The following ZNF469 variants were observed in gnomAD, a reference collection of about 807,000 sequenced individuals.
ZNF469 encodes the protein zinc finger protein 469.
In ZNF469, 1 loss-of-function variant was observed where a neutral mutation model predicts 1.0. That is an observed-to-expected ratio of 1.00 (90% CI 0.35 to 4.73). ZNF469 has a LOEUF of 4.73. Ranked by LOEUF, ZNF469 falls within the 30% of genes most tolerant of loss-of-function variation. The pLI, the probability that ZNF469 is intolerant of heterozygous loss-of-function variation, is 0.16. For synonymous variants in ZNF469, 2,703 were observed against 2,363.4 expected (o/e 1.14, Z -4.17); for missense variants, 6,100 against 5,356.3 (o/e 1.14, Z -4.33).
chr16:88,408,534 GA>G (rs1338520403), intron 1 of ZNF469, among the ~76,000 whole-genome samples: 1 of 152,250 alleles, frequency 6.6e-6, no homozygotes, highest in Non-Finnish European at 1.5e-5. Flanking sequence ...GAATGAGAGG[GA>G]GGGGCTGTCA....
At chr16:88,185,257 G>A in the ZNF469 span, among the ~76,000 whole-genome samples, 17 of 151,752 alleles carry the variant, frequency 1.1e-4, no homozygotes, top group African/African-American at 3.6e-4. Flanking sequence ...TGATGCACAC[G>A]AACACAGGCA....
In ZNF469 at chr16:88,432,971, A is replaced by G. The variant is rs1207364464; in HGVS notation, c.5501A>G (p.His1834Arg). Residue 1834 changes from histidine to arginine, a missense_variant, in exon 3 of 3, where the codon CAT becomes CGT. By Grantham distance (29) the His-to-Arg change is conservative. Transcript: ENST00000565624. ...GASPSHAAQG[H>R]SAGRAGGHLH... The stretch of plus-strand genomic sequence containing the variant: ...AGTCCCAGCCATGCTGCCCAGGGAC[A>G]TTCTGCAGGCAGAGCAGGTGGGCAC... The G allele has an allele frequency of 1.9e-6, 3 of 1,550,242 alleles. No individual in the cohort carries two copies. Among genetic ancestry groups the G allele is most frequent in the East Asian group, 2.4e-5 (1 of 40,922 alleles).
Position 88,433,302 on chromosome 16 carries a change from T to C in ZNF469, c.5832T>C (p.Thr1944=), listed in dbSNP as rs1407249213. 6.5e-7 allele frequency: 1 copy of C among 1,550,258 alleles called. No homozygotes were observed. Among genetic ancestry groups the C allele is most frequent in the Non-Finnish European group, 8.7e-7 (1 of 1,146,920 alleles). Residue 1944 remains threonine (T), a synonymous_variant, in exon 3 of 3, where the codon ACT becomes ACC. Transcript: ENST00000565624. ...ACCCCTCAGGTCTGGAAGGGGGCACTGTGGAAGGAGGGAAGGTGGCCTGTG... is the reference window on the plus strand; with the variant it reads ...ACCCCTCAGGTCTGGAAGGGGGCACCGTGGAAGGAGGGAAGGTGGCCTGTG... ...RVNPSGLEGG[T]VEGGKVACGP...
intron 1 of ZNF469, among the ~76,000 whole-genome samples, chr16:88,405,843 C>T (rs1487086439): frequency 6.6e-6 from 1 of 152,240 alleles, no homozygotes; most frequent in Admixed American, 6.5e-5. Context: ...CCCTGCAGCT[C>T]TTGGCCTCAG....
At chr16:88,157,972 C>A in the ZNF469 span, among the ~76,000 whole-genome samples, 1 of 152,038 alleles carries the variant, frequency 6.6e-6, no homozygotes. Flanking sequence ...GGATGCCACA[C>A]GAGGCTCTGA....
Position 88,427,645 on chromosome 16 carries a change from G to A in ZNF469, c.175G>A (p.Glu59Lys), listed in dbSNP as rs1905777791. The change falls in exon 3 of 3, where the codon GAG becomes AAG. Residue 59 changes from glutamate to lysine, a missense_variant. Glu to Lys is a moderately conservative substitution (Grantham distance 56, BLOSUM62 1). Coordinates refer to ENST00000565624, the MANE Select transcript of ZNF469 (RefSeq NM_001367624.2). ...GGCTGGCGGCCAGGCCCAGGCCATG[G>A]AGCTCCCCGAGGCCCAGCCAAGGCA... Reference protein sequence around the residue: ...REAGGQAQAMELPEAQPRQAR... With the variant: ...REAGGQAQAMKLPEAQPRQAR... The A allele has an allele frequency of 1.3e-6, 2 of 1,536,926 alleles. No homozygotes were observed. The highest frequency in any genetic ancestry group is 1.7e-6 in the Non-Finnish European group (2 of 1,146,116).
intron 1 of ZNF469, among the ~76,000 whole-genome samples, chr16:88,406,543 T>C (rs1905034351): frequency 6.6e-6 from 1 of 152,222 alleles, no homozygotes; most frequent in Non-Finnish European, 1.5e-5. Flanking sequence ...ACCCGTGCTT[T>C]GGTTCTTCTC....
chr16:88,200,870 C>T, the ZNF469 span, among the ~76,000 whole-genome samples: 1 of 152,258 alleles, frequency 6.6e-6, no homozygotes, highest in Non-Finnish European at 1.5e-5. Flanking sequence ...CCACTCAGGT[C>T]GCGTTCCTCC....
the ZNF469 span, among the ~76,000 whole-genome samples, chr16:88,131,645 C>A: frequency 6.6e-6 from 1 of 152,238 alleles, no homozygotes; most frequent in Admixed American, 6.5e-5. Flanking sequence ...TGAGGCGAGG[C>A]AGGCTGGGGC....
the ZNF469 span, among the ~76,000 whole-genome samples, chr16:88,333,311 A>C: frequency 6.7e-6 from 1 of 148,918 alleles, no homozygotes; most frequent in East Asian, 2.0e-4. Flanking sequence ...TGGGTGGAGA[A>C]GGCTCGGACT....
the ZNF469 span, among the ~76,000 whole-genome samples, chr16:88,338,917 G>A: frequency 6.6e-6 from 1 of 152,118 alleles, no homozygotes; most frequent in Non-Finnish European, 1.5e-5. Context: ...GCTTCTGTAT[G>A]GAGAGAACAT....
At chr16:88,167,504 C>T in the ZNF469 span, among the ~76,000 whole-genome samples, 38 of 152,180 alleles carry the variant, frequency 2.5e-4, no homozygotes, top group Non-Finnish European at 4.9e-4. Flanking sequence ...GCTGCTTGAC[C>T]GCCACTGCCC....
chr16:88,165,935 T>TG, the ZNF469 span, among the ~76,000 whole-genome samples: 1 of 151,816 alleles, frequency 6.6e-6, no homozygotes, highest in Non-Finnish European at 1.5e-5. Flanking sequence ...CCACATGGGG[T>TG]GTGTCAGAAT....
chr16:88,418,616 T>C (rs1905367731), intron 1 of ZNF469, among the ~76,000 whole-genome samples: 1 of 140,654 alleles, frequency 7.1e-6, no homozygotes, highest in Non-Finnish European at 1.5e-5. Flanking sequence ...CTTATCTCCC[T>C]CCTGTTAAAG....
At chr16:88,108,170 G>A in the ZNF469 span, among the ~76,000 whole-genome samples, 6 of 145,196 alleles carry the variant, frequency 4.1e-5, no homozygotes, top group African/African-American at 1.6e-4. Flanking sequence ...CGTCTGTGGG[G>A]ATGTGGGGAT....
chr16:88,214,210 CG>C, the ZNF469 span, among the ~76,000 whole-genome samples: 2 of 152,314 alleles, frequency 1.3e-5, no homozygotes, highest in African/African-American at 4.8e-5. Context: ...GGATACCCCC[CG>C]AAGGATTCAC....
the ZNF469 span, among the ~76,000 whole-genome samples, chr16:88,290,814 C>A: frequency 2.6e-5 from 4 of 152,238 alleles, no homozygotes; most frequent in African/African-American, 9.7e-5. Context: ...GAGGTGCCCA[C>A]TTGTTCATGA....
chr16:88,202,640 G>T, the ZNF469 span, among the ~76,000 whole-genome samples: 1 of 152,188 alleles, frequency 6.6e-6, no homozygotes, highest in Non-Finnish European at 1.5e-5. Context: ...AATGGACTTT[G>T]AGTTTCTGGA....
At chr16:88,159,678 T>C in the ZNF469 span, among the ~76,000 whole-genome samples, 2 of 152,132 alleles carry the variant, frequency 1.3e-5, no homozygotes, top group East Asian at 3.9e-4. Context: ...CCTCTAAGTG[T>C]TTATATTAAC....
Sources: allele counts gnomAD v4.1 joint callset (sites outside exome capture counted in the v4.1 genomes callset), GRCh38; gene constraint gnomAD v4.1.1; transcripts MANE v1.5; gene names NCBI Gene and HGNC (gene_info 2026-07-23, HGNC 2026-07-21).